Variants in ERBB4 observed in about 807,000 individuals in gnomAD.
ERBB4 encodes the protein erb-b2 receptor tyrosine kinase 4.
ERBB4 carries 42 observed loss-of-function variants against 158.0 expected under a neutral mutation model. The observed-to-expected ratio is 0.27, with a 90% CI of 0.21 to 0.34. The LOEUF (loss-of-function observed/expected upper bound fraction) is 0.34. Ranked by LOEUF, ERBB4 falls within the 10% of genes least tolerant of loss-of-function variation. ERBB4 has a pLI of 1.00. For missense variants in ERBB4, 1,333 were observed against 1,624.1 expected, an observed-to-expected ratio of 0.82 and a Z score of 3.08; for synonymous variants, 583 against 558.7, an observed-to-expected ratio of 1.04 and a Z score of -0.61.
At chr2:211,850,295 C>A (rs2077686822) in intron 3 of ERBB4, among the ~76,000 whole-genome samples, 1 of 151,726 alleles carries the variant, frequency 6.6e-6, no homozygotes, top group Non-Finnish European at 1.5e-5. Context: ...AGTTACTGTT[C>A]TCTTATTCTC....
intron 1 of ERBB4, among the ~76,000 whole-genome samples, chr2:212,379,974 G>A (rs2090450969): frequency 6.6e-6 from 1 of 151,236 alleles, no homozygotes. Flanking sequence ...ACCTGTATCA[G>A]TTCTACTTTG....
intron 19 of ERBB4, among the ~76,000 whole-genome samples, chr2:211,612,934 T>G (rs1309799569): frequency 2.6e-5 from 4 of 152,046 alleles, no homozygotes; most frequent in Non-Finnish European, 5.9e-5. Context: ...AATTTCAAAT[T>G]TCTGGTAGGG....
chr2:212,474,819 A>ATTTTTTTTTTTTTTTTT (rs1295029698), intron 1 of ERBB4, among the ~76,000 whole-genome samples: 1 of 72,190 alleles, frequency 1.4e-5, no homozygotes, highest in Non-Finnish European at 2.7e-5. Flanking sequence ...ACACCCGGCC[A>ATTTTTTTTTTTTTTTTT]TTCTTTTTTT....
At chr2:212,462,052 G>A (rs1299880357) in intron 1 of ERBB4, among the ~76,000 whole-genome samples, 2 of 152,034 alleles carry the variant, frequency 1.3e-5, no homozygotes, top group African/African-American at 4.8e-5. Flanking sequence ...GTCTTTATCA[G>A]CAGTGTGAAA....
At chr2:212,050,195 T>C (rs2077364041) in intron 2 of ERBB4, among the ~76,000 whole-genome samples, 1 of 152,152 alleles carries the variant, frequency 6.6e-6, no homozygotes, top group South Asian at 2.1e-4. Context: ...AAACAGGGTA[T>C]GTCTGTCTGA....
intron 2 of ERBB4, among the ~76,000 whole-genome samples, chr2:212,069,932 A>G (rs1043700367): frequency 1.3e-5 from 2 of 151,668 alleles, no homozygotes; most frequent in Non-Finnish European, 2.9e-5. Context: ...AGCCTGGGCA[A>G]CATAGTAAGA....
At chr2:211,772,924 C>CACACACACACATAT (rs1181682464) in intron 4 of ERBB4, among the ~76,000 whole-genome samples, 3 of 36,738 alleles carry the variant, frequency 8.2e-5, no homozygotes, top group African/African-American at 4.4e-4. Flanking sequence ...CACACACACA[C>CACACACACACATAT]ATATATATAT....
At chr2:212,094,866 T>C (rs1014056216) in intron 2 of ERBB4, among the ~76,000 whole-genome samples, 3 of 152,148 alleles carry the variant, frequency 2.0e-5, no homozygotes, top group Non-Finnish European at 2.9e-5. Context: ...TAGACATATA[T>C]GTCATAAAGA....
chr2:211,408,431 A>G (rs2063189183), intron 25 of ERBB4, among the ~76,000 whole-genome samples: 2 of 152,166 alleles, frequency 1.3e-5, no homozygotes, highest in African/African-American at 4.8e-5. Flanking sequence ...ACTTTTTAAC[A>G]AAGAGTGGAT....
At chr2:212,416,870 C>A (rs550026535) in intron 1 of ERBB4, among the ~76,000 whole-genome samples, 1 of 152,122 alleles carries the variant, frequency 6.6e-6, no homozygotes, top group South Asian at 2.1e-4. Context: ...ATATTTAAAT[C>A]CTTAATCTGA....
chr2:211,429,396 G>A (rs918154666), intron 21 of ERBB4, among the ~76,000 whole-genome samples: 2 of 151,864 alleles, frequency 1.3e-5, no homozygotes, highest in African/African-American at 4.8e-5. Flanking sequence ...CTCTCATCTT[G>A]GTTAGCCAGT....
At position 211,420,065 on chromosome 2, in the gene ERBB4, A is replaced by ATATC. The variant is rs146909747; in HGVS notation, c.3135+372_3135+375dup. On this transcript the variant is annotated intron_variant, in intron 25 of 27. Coordinates refer to ENST00000342788, the MANE Select transcript of ERBB4 (RefSeq NM_005235.3). Reference sequence around the variant, plus strand: ...ATTACTTCTTGACTAATATATCATAATATCTTTTTAAGAAAGAAAAGTAGA... The same window carrying ATATC: ...ATTACTTCTTGACTAATATATCATAATATCTATCTTTTTAAGAAAGAAAAGTAGA... Among the ~76,000 whole-genome samples the ATATC allele has an allele frequency of 6.7e-3, 1,019 of 152,184 alleles. 13 individuals carry two copies. The highest frequency in any genetic ancestry group is 0.023 in the African/African-American group (971 of 41,566).
At chr2:211,919,491 A>G (rs1575377399) in intron 3 of ERBB4, among the ~76,000 whole-genome samples, 1 of 152,070 alleles carries the variant, frequency 6.6e-6, no homozygotes, top group African/African-American at 2.4e-5. Flanking sequence ...AAATCCAATG[A>G]AAGAATGAAT....
chr2:211,410,447 G>C (rs2063234269), intron 25 of ERBB4, among the ~76,000 whole-genome samples: 1 of 152,114 alleles, frequency 6.6e-6, no homozygotes, highest in South Asian at 2.1e-4. Flanking sequence ...TAAAGGACTA[G>C]ACTTTGTTTA....
chr2:212,370,757 C>A (rs541421961), intron 1 of ERBB4, among the ~76,000 whole-genome samples: 1 of 152,124 alleles, frequency 6.6e-6, no homozygotes, highest in African/African-American at 2.4e-5. Flanking sequence ...CCCTTAAACA[C>A]TGATTCCCTT....
At chr2:212,066,245 G>A (rs1442953943) in intron 2 of ERBB4, among the ~76,000 whole-genome samples, 2 of 151,726 alleles carry the variant, frequency 1.3e-5, no homozygotes, top group East Asian at 3.9e-4. Flanking sequence ...AGATTAAGAG[G>A]GTTTTCAAAA....
At chr2:211,861,128 A>ATATATATATTTTATATATATATATATAT in intron 3 of ERBB4, among the ~76,000 whole-genome samples, 1 of 25,470 alleles carries the variant, frequency 3.9e-5, no homozygotes, top group Non-Finnish European at 8.0e-5. Context: ...TATATTTTAT[A>ATATATATATTTTATATATATATATATAT]TATATATATA....
chr2:211,998,341 A>T (rs2076017123), intron 2 of ERBB4, among the ~76,000 whole-genome samples: 1 of 151,790 alleles, frequency 6.6e-6, no homozygotes, highest in South Asian at 2.1e-4. Flanking sequence ...TTACAGGGAA[A>T]ATCTATTGAG....
At chr2:211,820,422 G>T (rs949891965) in intron 3 of ERBB4, among the ~76,000 whole-genome samples, 1 of 151,772 alleles carries the variant, frequency 6.6e-6, no homozygotes, top group East Asian at 1.9e-4. Flanking sequence ...ACAAGTAACA[G>T]GTTTGAATCA....
Sources: allele counts gnomAD v4.1 joint callset (sites outside exome capture counted in the v4.1 genomes callset), GRCh38; gene constraint gnomAD v4.1.1; transcripts MANE v1.5; gene names NCBI Gene and HGNC (gene_info 2026-07-23, HGNC 2026-07-21).